Variants in ICA1 observed in about 807,000 individuals in gnomAD.
The protein encoded by ICA1 is 69 kDa islet cell autoantigen.
Under a neutral mutation model 71.0 loss-of-function variants are expected in ICA1, and 40 were observed. The observed-to-expected ratio is 0.56, with a 90% CI of 0.44 to 0.73. ICA1 has a LOEUF of 0.73. Ranked by LOEUF, ICA1 falls within the 30% of genes least tolerant of loss-of-function variation. ICA1 has a pLI of 0.00. For missense variants in ICA1, 578 were observed against 576.5 expected, an observed-to-expected ratio of 1.00 and a Z score of -0.03; for synonymous variants, 207 against 209.5, an observed-to-expected ratio of 0.99 and a Z score of 0.10.
chr7:8,183,651 G>T (rs1782953377), intron 6 of ICA1, among the ~76,000 whole-genome samples: 1 of 152,142 alleles, frequency 6.6e-6, no homozygotes, highest in African/African-American at 2.4e-5. Flanking sequence ...TCTGCCATTA[G>T]ATCTGGAAAA....
At chr7:8,125,583 C>T (rs564579846) in intron 13 of ICA1, among the ~76,000 whole-genome samples, 1 of 152,342 alleles carries the variant, frequency 6.6e-6, no homozygotes, top group East Asian at 1.9e-4. Flanking sequence ...ACATCGATCA[C>T]TTTCTAGCCT....
intron 13 of ICA1, among the ~76,000 whole-genome samples, chr7:8,125,020 C>T (rs980001609): frequency 9.2e-5 from 14 of 152,226 alleles, no homozygotes; most frequent in Non-Finnish European, 1.6e-4. Flanking sequence ...AACTCCTGAC[C>T]TCAAGCCATC....
At chr7:8,186,665 T>C (rs890345955) in intron 6 of ICA1, among the ~76,000 whole-genome samples, 4 of 152,086 alleles carry the variant, frequency 2.6e-5, no homozygotes, top group Admixed American at 6.5e-5. Flanking sequence ...AAAGTTAAGA[T>C]TTCAAGCTGA....
intron 12 of ICA1, among the ~76,000 whole-genome samples, chr7:8,131,332 A>C (rs191123333): frequency 2.0e-5 from 3 of 152,186 alleles, no homozygotes; most frequent in Non-Finnish European, 2.9e-5. Context: ...ATTTAAACCT[A>C]AACTATTTCA....
At chr7:8,199,465 C>T (rs750413484) in intron 6 of ICA1, among the ~76,000 whole-genome samples, 2 of 152,206 alleles carry the variant, frequency 1.3e-5, no homozygotes, top group Non-Finnish European at 2.9e-5. Flanking sequence ...AACCCCAGCA[C>T]TTTGGGAGGC....
intron 6 of ICA1, among the ~76,000 whole-genome samples, chr7:8,160,834 T>C (rs1803495998): frequency 6.6e-6 from 1 of 152,148 alleles, no homozygotes. Flanking sequence ...GCTCTGACTA[T>C]AAAAAGAGTC....
intron 6 of ICA1, among the ~76,000 whole-genome samples, chr7:8,174,333 A>T (rs1470162864): frequency 6.6e-6 from 1 of 152,196 alleles, no homozygotes; most frequent in African/African-American, 2.4e-5. Context: ...ACCTATGACA[A>T]TATAAATAGT....
chr7:8,165,428 A>G (rs544507989), intron 6 of ICA1, among the ~76,000 whole-genome samples: 1 of 152,286 alleles, frequency 6.6e-6, no homozygotes, highest in East Asian at 1.9e-4. Flanking sequence ...CATTGAAAAA[A>G]TGTTTCTTCT....
At chr7:8,187,996 G>C (rs1299754952) in intron 6 of ICA1, among the ~76,000 whole-genome samples, 4 of 152,144 alleles carry the variant, frequency 2.6e-5, no homozygotes, top group Non-Finnish European at 2.9e-5. Context: ...GCTACGAAGT[G>C]GGGAAGCCAC....
In ICA1 at chr7:8,144,541, G is replaced by A. The variant is rs1796249858; in HGVS notation, c.805-569C>T. Reference sequence around the variant, plus strand: ...CTAACTCCCACGAGTGGACAGAGCAGGTGCATCCAAATCTTTGTAGATTAA... The same window carrying A: ...CTAACTCCCACGAGTGGACAGAGCAAGTGCATCCAAATCTTTGTAGATTAA... On this transcript the variant is annotated intron_variant, in intron 8 of 13. Coordinates refer to ENST00000402384, the MANE Select transcript of ICA1 (RefSeq NM_001136020.3). This position sits in a 1 kb window ranked among gnomAD's most constrained non-coding sequence, Gnocchi z 4.5. Among the ~76,000 whole-genome samples the A allele has an allele frequency of 6.6e-6, 1 of 152,158 alleles. No homozygotes were observed. Among genetic ancestry groups the A allele is most frequent in the Non-Finnish European group, 1.5e-5 (1 of 68,028 alleles).
At chr7:8,227,255 A>G (rs1798871527) in intron 4 of ICA1, among the ~76,000 whole-genome samples, 1 of 152,172 alleles carries the variant, frequency 6.6e-6, no homozygotes, top group African/African-American at 2.4e-5. Flanking sequence ...TGCAGACAAT[A>G]GGCTAGAGAA....
At chr7:8,205,399 C>T (rs1416951456) in intron 6 of ICA1, among the ~76,000 whole-genome samples, 2 of 152,114 alleles carry the variant, frequency 1.3e-5, no homozygotes, top group African/African-American at 4.8e-5. Context: ...CTCTAGTAAC[C>T]CTCAGAGGAG....
intron 1 of ICA1, among the ~76,000 whole-genome samples, chr7:8,245,529 G>A (rs909336392): frequency 6.6e-6 from 1 of 151,848 alleles, no homozygotes; most frequent in Non-Finnish European, 1.5e-5. Flanking sequence ...TGCACGTTGT[G>A]CTCATGTACC....
intron 1 of ICA1, among the ~76,000 whole-genome samples, chr7:8,258,868 G>A (rs1424561143): frequency 6.6e-6 from 1 of 152,200 alleles, no homozygotes; most frequent in Non-Finnish European, 1.5e-5. Flanking sequence ...TCTATCCAGG[G>A]CAAATCATGC....
At chr7:8,247,070 T>G (rs1806321247) in intron 1 of ICA1, among the ~76,000 whole-genome samples, 1 of 152,172 alleles carries the variant, frequency 6.6e-6, no homozygotes, top group South Asian at 2.1e-4. Flanking sequence ...ATGCTTGCTG[T>G]GCTGAGTCCT....
intron 6 of ICA1, among the ~76,000 whole-genome samples, chr7:8,187,475 G>A (rs1019450476): frequency 6.6e-6 from 1 of 152,144 alleles, no homozygotes; most frequent in African/African-American, 2.4e-5. Flanking sequence ...GAGTGAGAGT[G>A]GTGAGTGAAT....
At chr7:8,140,468 T>C (rs1161169565) in intron 10 of ICA1, among the ~76,000 whole-genome samples, 1 of 152,180 alleles carries the variant, frequency 6.6e-6, no homozygotes, top group Non-Finnish European at 1.5e-5. Flanking sequence ...AAAAGTTGTG[T>C]CCTCTCCATC....
At chr7:8,261,660 G>C (rs2128573790) in intron 1 of ICA1, among the ~76,000 whole-genome samples, 1 of 151,672 alleles carries the variant, frequency 6.6e-6, no homozygotes, top group East Asian at 2.0e-4. Flanking sequence ...AGGTGAACTT[G>C]TCAACAAGTC....
rs1283042891 is a variant in ICA1 at position 8,223,143 on chromosome 7, C to T, written c.257-1745G>A. Among the ~76,000 whole-genome samples, 1 of 152,192 alleles carries T rather than the reference C, an allele frequency of 6.6e-6. No individual in the cohort carries two copies. The highest frequency in any genetic ancestry group is 1.9e-4 in the East Asian group (1 of 5,196). ...TTTAATACATTCCATTCCTTCTCCT[C>T]CCCACTGATTAATATGTGCCTCACT... On this transcript the variant is annotated intron_variant, in intron 4 of 13. Transcript: ENST00000402384. The surrounding 1 kb of genome is among the most constrained non-coding windows in gnomAD (Gnocchi z 4.1).
Sources: allele counts gnomAD v4.1 joint callset (sites outside exome capture counted in the v4.1 genomes callset), GRCh38; gene constraint gnomAD v4.1.1; non-coding constraint Gnocchi (gnomAD v3.1); transcripts MANE v1.5; gene names NCBI Gene and HGNC (gene_info 2026-07-23, HGNC 2026-07-21).